The following AGMAT variants were observed in gnomAD, a reference collection of about 807,000 sequenced individuals.
The protein encoded by AGMAT is guanidino acid hydrolase, mitochondrial.
Under a neutral mutation model 29.3 loss-of-function variants are expected in AGMAT, and 37 were observed. That is an observed-to-expected ratio of 1.26 (90% CI 0.97 to 1.66). AGMAT has a LOEUF of 1.66. AGMAT is among the 40% of genes most tolerant of loss of function. The probability of loss-of-function intolerance (pLI) is 0.00; values close to 1 mark genes in which losing one functional copy is unlikely to be tolerated. For missense variants in AGMAT, 498 were observed against 497.8 expected (o/e 1.00, Z 0.00); for synonymous variants, 199 against 200.8 (o/e 0.99, Z 0.08).
chr1:15,584,311 T>C (rs538082957), intron 1 of AGMAT, among the ~76,000 whole-genome samples: 25 of 86,840 alleles, frequency 2.9e-4, no homozygotes, highest in Non-Finnish European at 4.6e-4. Flanking sequence ...CCCGGCTTTT[T>C]TTTTCTTTTT....
chr1:15,576,736 T>G (rs1307074436), intron 5 of AGMAT, among the ~76,000 whole-genome samples: 1 of 117,332 alleles, frequency 8.5e-6, no homozygotes, highest in Non-Finnish European at 1.7e-5. Context: ...CCAAGTTTAG[T>G]GTTCTTTTTT....
intron 2 of AGMAT, among the ~76,000 whole-genome samples, chr1:15,582,490 A>G (rs1639129422): frequency 6.6e-6 from 1 of 152,174 alleles, no homozygotes; most frequent in South Asian, 2.1e-4. Flanking sequence ...CACTCCTCCC[A>G]CTATGCCATG....
intron 4 of AGMAT, 27 bp from the exon 5 acceptor site, chr1:15,577,891 G>C (rs1291750899): frequency 1.2e-6 from 2 of 1,605,146 alleles, no homozygotes; most frequent in African/African-American, 2.7e-5. Context: ...TGAGGTTTCT[G>C]TCTGGCAGCA....
In AGMAT at chr1:15,574,755, A is replaced by T; in HGVS notation, c.985+2T>A. On this transcript the variant is annotated splice_donor_variant, in intron 6 of 6. Coordinates refer to ENST00000375826, the MANE Select transcript of AGMAT (RefSeq NM_024758.5). LOFTEE classifies it high-confidence loss of function. Reference sequence around the variant, plus strand: ...TGGATCTCAGTCTCTTTGCTTACTCACCAGAAAGATCATACGGTGGTGAAA... The same window carrying T: ...TGGATCTCAGTCTCTTTGCTTACTCTCCAGAAAGATCATACGGTGGTGAAA... The T allele has an allele frequency of 6.2e-7, 1 of 1,613,164 alleles. No homozygotes were observed. Among genetic ancestry groups the T allele is most frequent in the Non-Finnish European group, 8.5e-7 (1 of 1,179,334 alleles).
In AGMAT at chr1:15,578,857, A is replaced by G. The variant is rs1233018208; in HGVS notation, c.720+2T>C. 3.1e-6 allele frequency: 5 copies of G among 1,612,726 alleles called. No homozygotes were observed. On this transcript the variant is annotated splice_donor_variant, in intron 4 of 6. Coordinates refer to ENST00000375826, the MANE Select transcript of AGMAT (RefSeq NM_024758.5). LOFTEE classifies it high-confidence loss of function. ...AAGGGTGGGGGGCATTCGGTCTGTCACCTGGCTCCGGTTGTATCTGTAGGG... is the reference window on the plus strand; with the variant it reads ...AAGGGTGGGGGGCATTCGGTCTGTCGCCTGGCTCCGGTTGTATCTGTAGGG...
chr1:15,577,556 G>C (rs991117030), intron 5 of AGMAT, 129 bp downstream of exon 5: 68 of 1,022,334 alleles, frequency 6.7e-5, no homozygotes, highest in South Asian at 1.7e-5. Context: ...CTGGGCGACA[G>C]AGTGAGACTC....
rs150344813 is a variant in AGMAT, at chr1:15,579,024, A to G, written c.555T>C (p.Asp185=). 2.5e-6 allele frequency: 4 copies of G among 1,614,054 alleles called. No individual in the cohort carries two copies. The highest frequency in any genetic ancestry group is 2.5e-6 in the Non-Finnish European group (3 of 1,180,002). ...KHGPVGLLHV[D]AHTDTTDKAL... is the part of the protein sequence containing the mutation. ...CCTTGTCGGTCGTGTCCGTGTGCGC[A>G]TCCACGTGCAGCAGCCCCACTGGGC... The change falls in exon 4 of 7, where the codon GAT becomes GAC. Residue 185 remains aspartate (D), a synonymous_variant. Transcript: ENST00000375826.
rs531243191 is a variant in AGMAT at position 15,580,692 on chromosome 1, C to CT, written c.476-551dup. 7.4e-4 allele frequency among the ~76,000 whole-genome samples: 111 copies of CT among 150,964 alleles called. 1 individual carries two copies. In the South Asian group the frequency reaches 0.022, roughly 30 times the overall value. On this transcript the variant is annotated intron_variant, in intron 2 of 6. Transcript: ENST00000375826. Reference sequence around the variant, plus strand: ...GACACTATCTCAAAAAAATGAATAGCTTGCTGGGCACGGTGGCTCATGCCT... The same window carrying CT: ...GACACTATCTCAAAAAAATGAATAGCTTTGCTGGGCACGGTGGCTCATGCCT...
chr1:15,575,130 A>G (rs1639019337), intron 5 of AGMAT: 1 of 287,056 alleles, frequency 3.5e-6, no homozygotes, highest in African/African-American at 2.2e-5. Context: ...TGGTATCAGC[A>G]TAGGTAATAG....
chr1:15,584,688 G>A lies in AGMAT; in HGVS notation c.272+8C>T, dbSNP rs757982733. 4.6e-6 allele frequency: 6 copies of A among 1,317,606 alleles called. No homozygotes were observed. Among genetic ancestry groups the A allele is most frequent in the South Asian group, 3.0e-5 (1 of 33,218 alleles). The allele number at this position is 1,317,606 out of a possible 1,614,324, so 81.6% of individuals were successfully genotyped here. On this transcript the variant is annotated splice_region_variant and intron_variant, in intron 1 of 6. Coordinates refer to ENST00000375826, the MANE Select transcript of AGMAT (RefSeq NM_024758.5). ...ACGTGTACCCGGCCCCCGTCCTTCC[G>A]GCCTTACCTCGCCCCAGGCCGGTTG...
In AGMAT at chr1:15,573,346, ATGTT is replaced by A. The variant is rs1638986521; in HGVS notation, c.*301_*304del. On this transcript the variant is annotated 3_prime_UTR_variant, in exon 7 of 7. Coordinates refer to ENST00000375826, the MANE Select transcript of AGMAT (RefSeq NM_024758.5). ...AGTTTTTTTAAATGTCATGTTTCTA[ATGTT>A]TAGATAATCTTGAAAGAAATTCTCC... 3 of 286,242 alleles carry A rather than the reference ATGTT, an allele frequency of 1.0e-5. No homozygotes were observed. The highest frequency in any genetic ancestry group is 1.3e-4 in the South Asian group (2 of 15,810). The allele number at this position is 286,242 out of a possible 1,614,324, so 17.7% of individuals were successfully genotyped here. A position where few individuals can be genotyped will look rare whatever the true frequency, so the allele number is the denominator to read the frequency against.
rs1638962819 is a variant in AGMAT, at chr1:15,572,205, G to GT, written c.*1445_*1446insA. On this transcript the variant is annotated 3_prime_UTR_variant, in exon 7 of 7. Transcript: ENST00000375826. ...TTTCCAGTTTTGTTTTGTTTTCTGG[G>GT]GTTTTTTTGTTTTGTTTTGTTTTGT... 1.3e-5 allele frequency: 2 copies of GT among 150,718 alleles called. No homozygotes were observed. The highest frequency in any genetic ancestry group is 4.9e-5 in the African/African-American group (2 of 40,860). The allele number at this position is 150,718 out of a possible 1,614,324, so 9.3% of individuals were successfully genotyped here. A position where few individuals can be genotyped will look rare whatever the true frequency, so the allele number is the denominator to read the frequency against.
intron 2 of AGMAT, 61 bp from the exon 3 acceptor site, chr1:15,580,203 T>C: frequency 2.2e-6 from 1 of 449,194 alleles, no homozygotes; most frequent in Non-Finnish European, 3.3e-6. Context: ...AGAATAATCT[T>C]TTTTTTTTTT....
Position 15,577,711 on chromosome 1 carries a change from C to CAA in AGMAT, c.873_874insTT (p.Glu292LeufsTer21), listed in dbSNP as rs1639058729. The CAA allele has an allele frequency of 6.2e-7, 1 of 1,613,824 alleles. No homozygotes were observed. Among genetic ancestry groups the CAA allele is most frequent in the African/African-American group, 1.3e-5 (1 of 74,926 alleles). ...TGACTAGGAGTGAGACCAGCAATTTCAGGTGTCCCTGTCCCTGGCGCATAG... is the reference window on the plus strand; with the variant it reads ...TGACTAGGAGTGAGACCAGCAATTTCAAAGGTGTCCCTGTCCCTGGCGCATAG... On this transcript the variant is annotated frameshift_variant, in exon 5 of 7. Coordinates refer to ENST00000375826, the MANE Select transcript of AGMAT (RefSeq NM_024758.5). LOFTEE classifies it high-confidence loss of function.
chr1:15,583,391 C>T lies in AGMAT; in HGVS notation c.277G>A (p.Gly93Arg). 3 of 1,612,264 alleles carry T rather than the reference C, an allele frequency of 1.9e-6. No individual in the cohort carries two copies. Among genetic ancestry groups the T allele is most frequent in the South Asian group, 1.1e-5 (1 of 90,768 alleles). Residue 93 changes from glycine (G) to arginine (R), a missense_variant, in exon 2 of 7, where the codon GGA (glycine) becomes AGA (arginine). Transcript: ENST00000375826. ...GTSNRPGARFGPRRIREESVM... is the reference protein window; with the variant it reads ...GTSNRPGARFRPRRIREESVM... ...GATTCTTCCCGGATGCGGCGAGGTC[C>T]GAATCTGCAGAAGGAAGAATCATCC...
chr1:15,580,845 C>T (rs186644801), intron 2 of AGMAT, among the ~76,000 whole-genome samples: 180 of 151,916 alleles, frequency 1.2e-3, no homozygotes, highest in African/African-American at 4.1e-3. Context: ...CATGGTAGCG[C>T]ATGCCTGTAA....
chr1:15,577,528 G>T (rs973256408), intron 5 of AGMAT, among the ~76,000 whole-genome samples, 157 bp downstream of exon 5: 1 of 152,130 alleles, frequency 6.6e-6, no homozygotes, highest in Non-Finnish European at 1.5e-5. Flanking sequence ...AGCCGAGATC[G>T]CACCACTGCA....
At chr1:15,577,384 C>T (rs1639054967) in intron 5 of AGMAT, among the ~76,000 whole-genome samples, 1 of 151,960 alleles carries the variant, frequency 6.6e-6, no homozygotes, top group African/African-American at 2.4e-5. Context: ...ACCAGCCTGA[C>T]CAACATGGTG....
In AGMAT at chr1:15,572,352, C is replaced by CTTTTTTTTTTTT. The variant is rs33990724; in HGVS notation, c.*1287_*1298dup. The CTTTTTTTTTTTT allele has an allele frequency of 9.1e-5, 4 of 43,736 alleles. No individual in the cohort carries two copies. The highest frequency in any genetic ancestry group is 4.2e-4 in the African/African-American group (4 of 9,522). 2.7% of individuals were successfully genotyped at this position (43,736 alleles called of 1,614,324 possible). ...GGCGTGAGCCACTGGGTCCGGCCTGCTTTTTTTTTTTTTTTTTTTTTTTTG... is the reference window on the plus strand; with the variant it reads ...GGCGTGAGCCACTGGGTCCGGCCTGCTTTTTTTTTTTTTTTTTTTTTTTTTTTTTTTTTTTTG... On this transcript the variant is annotated 3_prime_UTR_variant, in exon 7 of 7. Transcript: ENST00000375826.
Sources: gnomAD v4.1 joint callset for allele counts (sites outside exome capture counted in the v4.1 genomes callset) on GRCh38, gnomAD v4.1.1 for gene constraint, MANE v1.5 for transcripts, NCBI Gene and HGNC (gene_info 2026-07-23, HGNC 2026-07-21) for gene names.